The following RALGAPA2 variants were observed in gnomAD, a reference collection of about 807,000 sequenced individuals.
RALGAPA2 encodes the protein Ral GTPase activating protein catalytic subunit alpha 2.
A neutral mutation model predicts 230.4 loss-of-function variants in RALGAPA2; 139 were observed. The ratio of observed to expected loss-of-function variants is 0.60; its 90% CI spans 0.53 to 0.69. The LOEUF (loss-of-function observed/expected upper bound fraction) is 0.69. Ranked by LOEUF, RALGAPA2 falls within the 30% of genes least tolerant of loss-of-function variation. The pLI is 0.00. For missense variants in RALGAPA2, 2,163 were observed against 2,276.0 expected, an observed-to-expected ratio of 0.95 and a Z score of 1.01; for synonymous variants, 847 against 837.8, an observed-to-expected ratio of 1.01 and a Z score of -0.19.
At chr20:20,575,612 A>G (rs1602893169) in intron 20 of RALGAPA2, among the ~76,000 whole-genome samples, 1 of 152,246 alleles carries the variant, frequency 6.6e-6, no homozygotes, top group African/African-American at 2.4e-5. Context: ...CTAGTTCTTA[A>G]ACAGACTTAC....
intron 16 of RALGAPA2, among the ~76,000 whole-genome samples, chr20:20,593,561 A>G (rs142967451): frequency 1.3e-5 from 2 of 152,354 alleles, no homozygotes; most frequent in Admixed American, 6.5e-5. Flanking sequence ...TTCTGGGAAC[A>G]GTTTATATTT....
intron 8 of RALGAPA2, 68 bp downstream of exon 8, chr20:20,637,295 G>T (rs942557383): frequency 2.1e-5 from 26 of 1,241,722 alleles, no homozygotes; most frequent in Non-Finnish European, 2.8e-5. Context: ...ATAATCAAAG[G>T]TCACTTTGAA....
chr20:20,647,121 C>A (rs1431933533), intron 4 of RALGAPA2, among the ~76,000 whole-genome samples: 1 of 152,152 alleles, frequency 6.6e-6, no homozygotes, highest in East Asian at 1.9e-4. Flanking sequence ...GACAATTTCT[C>A]TTTGAACAAG....
chr20:20,422,841 A>G (rs191611124), intron 37 of RALGAPA2, among the ~76,000 whole-genome samples: 116 of 152,342 alleles, frequency 7.6e-4, no homozygotes, highest in Non-Finnish European at 1.4e-3. Flanking sequence ...CACAGCTTAT[A>G]TGGAAAGACA....
chr20:20,448,872 T>G (rs1241751559), intron 37 of RALGAPA2, among the ~76,000 whole-genome samples: 1 of 147,022 alleles, frequency 6.8e-6, no homozygotes, highest in Admixed American at 6.7e-5. Flanking sequence ...GAATGTATAT[T>G]GAAAAAAAAA....
intron 37 of RALGAPA2, among the ~76,000 whole-genome samples, chr20:20,417,421 C>T (rs933635797): frequency 2.0e-5 from 3 of 152,174 alleles, no homozygotes; most frequent in East Asian, 3.9e-4. Context: ...TCTGCATTCA[C>T]GGGGCTGCAT....
At chr20:20,490,894 A>ACACACACT (rs397779229) in intron 36 of RALGAPA2, among the ~76,000 whole-genome samples, 2 of 144,950 alleles carry the variant, frequency 1.4e-5, no homozygotes, top group African/African-American at 2.6e-5. Flanking sequence ...ACACACACAC[A>ACACACACT]CTCACACTCA....
chr20:20,446,057 T>C (rs1281345757), intron 37 of RALGAPA2, among the ~76,000 whole-genome samples: 2 of 152,138 alleles, frequency 1.3e-5, no homozygotes, highest in African/African-American at 4.8e-5. Flanking sequence ...TCTTTTTCTT[T>C]CAAAATCCTC....
intron 35 of RALGAPA2, among the ~76,000 whole-genome samples, chr20:20,496,538 C>T (rs2062210492): frequency 6.6e-6 from 1 of 152,142 alleles, no homozygotes; most frequent in South Asian, 2.1e-4. Flanking sequence ...CTCTCTGGCA[C>T]CATGAACAAT....
intron 36 of RALGAPA2, among the ~76,000 whole-genome samples, chr20:20,486,030 C>T (rs1419540836): frequency 6.6e-6 from 1 of 151,976 alleles, no homozygotes; most frequent in Non-Finnish European, 1.5e-5. Flanking sequence ...TCCCAGCTAT[C>T]CAGGAAGCCG....
intron 18 of RALGAPA2, 113 bp downstream of exon 18, chr20:20,589,155 G>C: frequency 7.1e-7 from 1 of 1,404,680 alleles, no homozygotes; most frequent in Non-Finnish European, 9.4e-7. Context: ...CCTATAAACT[G>C]TCTAAATGGA....
chr20:20,699,785 A>G (rs1440682332), intron 1 of RALGAPA2, among the ~76,000 whole-genome samples: 46 of 152,218 alleles, frequency 3.0e-4, no homozygotes. Flanking sequence ...CAGAATGGTT[A>G]TTAAATAGTT....
chr20:20,588,025 C>T (rs1051923080), intron 18 of RALGAPA2, among the ~76,000 whole-genome samples: 6 of 152,076 alleles, frequency 3.9e-5, no homozygotes, highest in Non-Finnish European at 7.4e-5. Flanking sequence ...CTACACAATG[C>T]TGGCAAAAAT....
intron 37 of RALGAPA2, among the ~76,000 whole-genome samples, chr20:20,448,426 C>T (rs2123133275): frequency 6.6e-6 from 1 of 152,286 alleles, no homozygotes; most frequent in Non-Finnish European, 1.5e-5. Context: ...TAGTTTTATG[C>T]TATCTGCCAT....
chr20:20,528,803 C>T (rs1207621091), intron 27 of RALGAPA2, among the ~76,000 whole-genome samples: 1 of 152,172 alleles, frequency 6.6e-6, no homozygotes, highest in African/African-American at 2.4e-5. Flanking sequence ...TTATGTGGAG[C>T]CCGTAAAGCA....
chr20:20,459,549 G>A (rs117051864), intron 37 of RALGAPA2, among the ~76,000 whole-genome samples: 13 of 151,752 alleles, frequency 8.6e-5, no homozygotes, highest in South Asian at 2.1e-4. Flanking sequence ...GCGACAGTCC[G>A]GCCTCTGTGC....
chr20:20,635,744 A>G, intron 8 of RALGAPA2, 127 bp from the exon 9 acceptor site: 1 of 765,700 alleles, frequency 1.3e-6, no homozygotes, highest in Non-Finnish European at 2.0e-6. Context: ...AGAATGAAGA[A>G]CCGCAATTAT....
At chr20:20,509,487 T>C (rs1031973816) in intron 33 of RALGAPA2, among the ~76,000 whole-genome samples, 1 of 152,198 alleles carries the variant, frequency 6.6e-6, no homozygotes, top group African/African-American at 2.4e-5. Flanking sequence ...TACTGAAATA[T>C]TTATCACTCT....
chr20:20,460,472 G>C (rs1035751075), intron 37 of RALGAPA2, among the ~76,000 whole-genome samples: 4 of 152,148 alleles, frequency 2.6e-5, no homozygotes, highest in African/African-American at 9.7e-5. Flanking sequence ...TCTGGCACTT[G>C]TAGTAAAATT....
Sources: gnomAD v4.1 joint callset for allele counts (sites outside exome capture counted in the v4.1 genomes callset) on GRCh38, gnomAD v4.1.1 for gene constraint, MANE v1.5 for transcripts, NCBI Gene and HGNC (gene_info 2026-07-23, HGNC 2026-07-21) for gene names.